DGAT2: variants seen among roughly 807,000 people sequenced by gnomAD.
DGAT2 encodes diacylglycerol O-acyltransferase 2.
In DGAT2, 33 loss-of-function variants were observed where a neutral mutation model predicts 48.4. That is an observed-to-expected ratio of 0.68 (90% CI 0.52 to 0.91). The LOEUF (loss-of-function observed/expected upper bound fraction) is 0.91, where lower values mean the gene tolerates loss of function less well. DGAT2 is among the 40% of genes least tolerant of loss of function. The probability of loss-of-function intolerance (pLI) is 0.00; values close to 1 mark genes in which losing one functional copy is unlikely to be tolerated. For synonymous variants in DGAT2, 191 were observed against 194.1 expected (o/e 0.98, Z 0.13); for missense variants, 446 against 493.7 (o/e 0.90, Z 0.92).
chr11:75,790,114 C>T lies in DGAT2; in HGVS notation c.251-74C>T, dbSNP rs1311344842. The T allele has an allele frequency of 8.1e-6, 9 of 1,110,672 alleles. No homozygotes were observed. In the Admixed American group the frequency reaches 1.5e-4, roughly 19 times the overall value. 68.8% of individuals were successfully genotyped at this position (1,110,672 alleles called of 1,614,324 possible). A position where few individuals can be genotyped will look rare whatever the true frequency, so the allele number is the denominator to read the frequency against. On this transcript the variant is annotated intron_variant, in intron 2 of 7. Coordinates refer to ENST00000228027, the MANE Select transcript of DGAT2 (RefSeq NM_032564.5). ...GCCTAGCTTAGTGCCACAGTAAACA[C>T]TCACTCCATCCACCATGGCCCAGAG...
At chr11:75,778,326 C>G (rs1027369354) in intron 1 of DGAT2, among the ~76,000 whole-genome samples, 1 of 152,174 alleles carries the variant, frequency 6.6e-6, no homozygotes, top group Non-Finnish European at 1.5e-5. Context: ...TCTTCAGGGC[C>G]CTGGCGAAGC....
chr11:75,796,860 A>T (rs1945062110), intron 5 of DGAT2: 2 of 451,132 alleles, frequency 4.4e-6, no homozygotes, highest in Non-Finnish European at 7.9e-6. Context: ...CTCCCACCAG[A>T]CTGATGCATT....
rs191589506 is a variant in DGAT2, at chr11:75,785,734, G to A, written c.250+988G>A. Among the ~76,000 whole-genome samples, 220 of 152,316 alleles carry A rather than the reference G, an allele frequency of 1.4e-3. 1 individual carries two copies. The highest frequency in any genetic ancestry group is 5.0e-3 in the African/African-American group (208 of 41,568). ...TTCGGGACTGTATAGGCTGGTAGGG[G>A]ATCATCAGGACTTACCATGTCAGTG... On this transcript the variant is annotated intron_variant, in intron 2 of 7. Transcript: ENST00000228027.
Position 75,800,620 on chromosome 11 carries a change from AT to A in DGAT2, c.*116del. The A allele has an allele frequency of 1.5e-6, 2 of 1,323,846 alleles. No homozygotes were observed. The highest frequency in any genetic ancestry group is 2.0e-6 in the Non-Finnish European group (2 of 984,966). 82.0% of individuals were successfully genotyped at this position (1,323,846 alleles called of 1,614,324 possible). A position where few individuals can be genotyped will look rare whatever the true frequency, so the allele number is the denominator to read the frequency against. Reference sequence around the variant, plus strand: ...GGGTTATTTAAAAGAAATTATAACAATTTTGCTAAACCATTACAATGTTAGG... The same window carrying A: ...GGGTTATTTAAAAGAAATTATAACAATTTGCTAAACCATTACAATGTTAGG... On this transcript the variant is annotated 3_prime_UTR_variant, in exon 8 of 8. Coordinates refer to ENST00000228027, the MANE Select transcript of DGAT2 (RefSeq NM_032564.5).
intron 1 of DGAT2, chr11:75,784,414 C>T: frequency 5.4e-6 from 3 of 555,910 alleles, no homozygotes; most frequent in Non-Finnish European, 9.2e-6. Context: ...TCTATAGAAA[C>T]CAGGGCACAG....
intron 1 of DGAT2, among the ~76,000 whole-genome samples, chr11:75,778,509 C>T (rs1944825450): frequency 6.6e-6 from 1 of 152,162 alleles, no homozygotes; most frequent in African/African-American, 2.4e-5. Flanking sequence ...AATCACCTAA[C>T]AAATGCCACA....
chr11:75,778,554 G>A (rs1398539379), intron 1 of DGAT2, among the ~76,000 whole-genome samples: 3 of 152,078 alleles, frequency 2.0e-5, no homozygotes, highest in Non-Finnish European at 4.4e-5. Context: ...AATGTTCCTG[G>A]CTGGGCGTGG....
chr11:75,772,396 C>A (rs912414777), intron 1 of DGAT2, among the ~76,000 whole-genome samples: 6 of 152,172 alleles, frequency 3.9e-5, no homozygotes, highest in Non-Finnish European at 5.9e-5. Context: ...TAGTATGTCA[C>A]CCACCATGCT....
chr11:75,777,087 A>G (rs943321704), intron 1 of DGAT2, among the ~76,000 whole-genome samples: 5 of 152,178 alleles, frequency 3.3e-5, no homozygotes, highest in Non-Finnish European at 7.4e-5. Context: ...CATTAGGTCC[A>G]GATGGGCCCA....
At chr11:75,769,357 C>A in intron 1 of DGAT2, among the ~76,000 whole-genome samples, 1 of 152,180 alleles carries the variant, frequency 6.6e-6, no homozygotes. Context: ...CCCCAGCCCC[C>A]ACTGCGGCTG....
At chr11:75,770,786 C>G (rs1051246437) in intron 1 of DGAT2, among the ~76,000 whole-genome samples, 1 of 151,702 alleles carries the variant, frequency 6.6e-6, no homozygotes, top group African/African-American at 2.4e-5. Context: ...ATGTTGTTAT[C>G]AGATCTTGAA....
At chr11:75,794,545 T>C (rs1945027096) in intron 4 of DGAT2, 1 of 152,262 alleles carries the variant, frequency 6.6e-6, no homozygotes, top group African/African-American at 2.4e-5. Flanking sequence ...AAGGTATTTA[T>C]TGAAGCATTA....
rs1944979293 is a variant in DGAT2 at position 75,790,725 on chromosome 11, C to T, written c.423C>T (p.Pro141=). Residue 141 remains proline, a synonymous_variant, in exon 4 of 8, where the codon CCC becomes CCT. Transcript: ENST00000228027. The part of the protein sequence containing the change: ...AVWRYFRDYF[P]IQLVKTHNLL... Reference sequence around the variant, plus strand: ...GGCGCTACTTTCGAGACTACTTTCCCATCCAGGTAAAGTGCTGTGAGTGTT... The same window carrying T: ...GGCGCTACTTTCGAGACTACTTTCCTATCCAGGTAAAGTGCTGTGAGTGTT... The T allele has an allele frequency of 2.5e-6, 4 of 1,614,214 alleles. No homozygotes were observed. The highest frequency in any genetic ancestry group is 3.4e-6 in the Non-Finnish European group (4 of 1,180,036).
In DGAT2 at chr11:75,784,475, G is replaced by A. The variant is rs114869066; in HGVS notation, c.122-143G>A. 5.1e-3 allele frequency: 5,883 copies of A among 1,143,118 alleles called. 97 individuals are homozygous for A. The highest frequency in any genetic ancestry group is 0.042 in the African/African-American group (2,695 of 64,932). 70.8% of individuals were successfully genotyped at this position (1,143,118 alleles called of 1,614,324 possible). A position where few individuals can be genotyped will look rare whatever the true frequency, so the allele number is the denominator to read the frequency against. The stretch of plus-strand genomic sequence containing the variant: ...ACAAAGCCATGAGGTGGAGGGCTAG[G>A]ATCTGAACCCAGGTCTGTCTGATTC... On this transcript the variant is annotated intron_variant, in intron 1 of 7. Coordinates refer to ENST00000228027, the MANE Select transcript of DGAT2 (RefSeq NM_032564.5).
Position 75,790,860 on chromosome 11 carries a change from C to T in DGAT2, c.429+129C>T, listed in dbSNP as rs920633353. 12 of 888,574 alleles carry T rather than the reference C, an allele frequency of 1.4e-5. No homozygotes were observed. The African/African-American group carries it at 2.0e-4, about 15-fold the overall frequency. The allele number at this position is 888,574 out of a possible 1,614,324, so 55.0% of individuals were successfully genotyped here. A position where few individuals can be genotyped will look rare whatever the true frequency, so the allele number is the denominator to read the frequency against. ...TCTTCATTTCCTTTCTACTGTGTCA[C>T]TGGCTGTGCTGGGGACCCCACTGCT... On this transcript the variant is annotated intron_variant, in intron 4 of 7. Coordinates refer to ENST00000228027, the MANE Select transcript of DGAT2 (RefSeq NM_032564.5).
At chr11:75,788,666 A>C (rs1166839649) in intron 2 of DGAT2, among the ~76,000 whole-genome samples, 1 of 152,210 alleles carries the variant, frequency 6.6e-6, no homozygotes, top group Non-Finnish European at 1.5e-5. Context: ...AGAAGAGAGC[A>C]TGACATCCAG....
At chr11:75,792,711 C>G (rs535703327) in intron 4 of DGAT2, 1 of 152,104 alleles carries the variant, frequency 6.6e-6, no homozygotes, top group African/African-American at 2.4e-5. Flanking sequence ...GCAGACAGTG[C>G]CCCACATCAC....
intron 1 of DGAT2, among the ~76,000 whole-genome samples, chr11:75,771,465 A>G (rs547316180): frequency 6.6e-6 from 1 of 152,254 alleles, no homozygotes; most frequent in African/African-American, 2.4e-5. Flanking sequence ...GTGCGGCTCC[A>G]AAGAGTGAGG....
chr11:75,775,720 TC>T (rs1450990910), intron 1 of DGAT2, among the ~76,000 whole-genome samples: 1 of 152,214 alleles, frequency 6.6e-6, no homozygotes, highest in Non-Finnish European at 1.5e-5. Flanking sequence ...TGCAGTTAAT[TC>T]CTCAAACTTG....
Sources: gnomAD v4.1 joint callset for allele counts (sites outside exome capture counted in the v4.1 genomes callset) on GRCh38, gnomAD v4.1.1 for gene constraint, MANE v1.5 for transcripts, NCBI Gene and HGNC (gene_info 2026-07-23, HGNC 2026-07-21) for gene names.